KPNA3: variants seen among roughly 807,000 people sequenced by gnomAD.
KPNA3 encodes importin subunit alpha-4.
KPNA3 carries 13 observed loss-of-function variants against 73.8 expected under a neutral mutation model. The ratio of observed to expected loss-of-function variants is 0.18; its 90% CI spans 0.11 to 0.28. The LOEUF is 0.28. Among genes scored for constraint, KPNA3 ranks in the 10% least tolerant of loss-of-function variants. The probability of loss-of-function intolerance (pLI) is 1.00; values close to 1 mark genes in which losing one functional copy is unlikely to be tolerated. For missense variants in KPNA3, 360 were observed against 618.1 expected (o/e 0.58, Z 4.43); for synonymous variants, 186 against 206.9 (o/e 0.90, Z 0.87).
At chr13:49,712,354 G>A in intron 10 of KPNA3, among the ~76,000 whole-genome samples, 1 of 152,088 alleles carries the variant, frequency 6.6e-6, no homozygotes, top group East Asian at 1.9e-4. Flanking sequence ...TCATAAAAAT[G>A]CACTGGTGAA....
intron 1 of KPNA3, among the ~76,000 whole-genome samples, chr13:49,762,792 C>T (rs1954778497): frequency 6.6e-6 from 1 of 151,956 alleles, no homozygotes. Flanking sequence ...TATCTGCTGA[C>T]CTTCCCTCCA....
At chr13:49,787,531 G>A (rs1464017773) in intron 1 of KPNA3, among the ~76,000 whole-genome samples, 2 of 152,278 alleles carry the variant, frequency 1.3e-5, no homozygotes, top group East Asian at 3.9e-4. Flanking sequence ...TTTTGAGACA[G>A]AGTTTCACTC....
At chr13:49,725,359 C>G (rs1448621941) in intron 7 of KPNA3, 57 bp downstream of exon 7, 2 of 933,580 alleles carry the variant, frequency 2.1e-6, no homozygotes. Context: ...TTACAAAACT[C>G]TACTTCCTTG....
intron 1 of KPNA3, among the ~76,000 whole-genome samples, chr13:49,753,243 C>T (rs1409161951): frequency 6.6e-6 from 1 of 151,884 alleles, no homozygotes; most frequent in African/African-American, 2.4e-5. Context: ...CTGGGGAATC[C>T]ATCCAGAAAA....
Position 49,700,419 on chromosome 13 carries a change from A to G in KPNA3, c.*1381T>C, listed in dbSNP as rs1190389960. 1.3e-5 allele frequency: 2 copies of G among 152,690 alleles called. No homozygotes were observed. Among genetic ancestry groups the G allele is most frequent in the Non-Finnish European group, 2.9e-5 (2 of 68,042 alleles). The allele number at this position is 152,690 out of a possible 1,614,324, so 9.5% of individuals were successfully genotyped here. ...TGTGACAGCACAAATTATTTAGTTT[A>G]AAAATTTTTAAATCCATATTCTTTC... On this transcript the variant is annotated 3_prime_UTR_variant, in exon 17 of 17. Coordinates refer to ENST00000261667, the MANE Select transcript of KPNA3 (RefSeq NM_002267.4).
chr13:49,749,803 C>A (rs759322113), intron 1 of KPNA3, among the ~76,000 whole-genome samples: 2 of 152,090 alleles, frequency 1.3e-5, no homozygotes, highest in African/African-American at 4.8e-5. Flanking sequence ...CTTATTCACC[C>A]GAAAGAATCA....
At chr13:49,782,589 A>G (rs1954949518) in intron 1 of KPNA3, among the ~76,000 whole-genome samples, 1 of 152,188 alleles carries the variant, frequency 6.6e-6, no homozygotes, top group Non-Finnish European at 1.5e-5. Context: ...TGTAGAAAAT[A>G]CTAAATAGGC....
chr13:49,726,191 C>T (rs917727124), intron 6 of KPNA3, among the ~76,000 whole-genome samples: 16 of 152,174 alleles, frequency 1.1e-4, no homozygotes, highest in African/African-American at 3.9e-4. Context: ...CACTATCACA[C>T]GCTCTAGGCT....
intron 2 of KPNA3, among the ~76,000 whole-genome samples, chr13:49,743,746 T>C (rs368204847): frequency 4.6e-5 from 7 of 152,256 alleles, no homozygotes; most frequent in African/African-American, 1.4e-4. Flanking sequence ...CTTAGATTTA[T>C]AAGCACATTA....
chr13:49,778,321 G>A (rs1419191184), intron 1 of KPNA3, among the ~76,000 whole-genome samples: 1 of 152,226 alleles, frequency 6.6e-6, no homozygotes. Flanking sequence ...GGGGCCAACT[G>A]TTCAAACCAT....
intron 12 of KPNA3, among the ~76,000 whole-genome samples, chr13:49,707,982 TTC>T (rs1304740505): frequency 1.5e-5 from 2 of 135,688 alleles, no homozygotes; most frequent in Admixed American, 1.7e-4. Context: ...GTAAATTTAT[TTC>T]TTTTTCTTTT....
intron 6 of KPNA3, among the ~76,000 whole-genome samples, chr13:49,727,960 G>C (rs906939197): frequency 1.3e-5 from 2 of 152,160 alleles, no homozygotes; most frequent in Non-Finnish European, 2.9e-5. Flanking sequence ...AGTCGGCCGG[G>C]CATGGTGGCT....
intron 7 of KPNA3, among the ~76,000 whole-genome samples, chr13:49,722,984 C>A (rs865841369): frequency 3.3e-5 from 5 of 152,044 alleles, no homozygotes; most frequent in Middle Eastern, 3.4e-3. Context: ...AAAATAATTT[C>A]TCATAATCCT....
At chr13:49,765,427 C>A (rs1241273484) in intron 1 of KPNA3, among the ~76,000 whole-genome samples, 3 of 152,196 alleles carry the variant, frequency 2.0e-5, no homozygotes, top group Admixed American at 6.5e-5. Context: ...CACTTACCAA[C>A]AATTCACCTA....
chr13:49,723,992 T>C (rs1477584252), intron 7 of KPNA3, among the ~76,000 whole-genome samples: 2 of 152,232 alleles, frequency 1.3e-5, no homozygotes, highest in African/African-American at 4.8e-5. Flanking sequence ...ATCTGCTTTC[T>C]GTCTTTACAG....
intron 1 of KPNA3, among the ~76,000 whole-genome samples, chr13:49,784,160 G>C (rs1954962522): frequency 6.6e-6 from 1 of 152,134 alleles, no homozygotes; most frequent in South Asian, 2.1e-4. Context: ...GAGGCAGGAG[G>C]ATCGCTTGAG....
At chr13:49,765,345 T>C (rs907963825) in intron 1 of KPNA3, among the ~76,000 whole-genome samples, 3 of 152,274 alleles carry the variant, frequency 2.0e-5, no homozygotes, top group African/African-American at 7.2e-5. Flanking sequence ...GTATATATTC[T>C]AGGTTATGAT....
chr13:49,704,434 AAAATAAATAAATAAATAAATAAATAAAT>A (rs58331212), intron 15 of KPNA3, among the ~76,000 whole-genome samples: 201 of 130,956 alleles, frequency 1.5e-3, no homozygotes, highest in African/African-American at 5.4e-3. Context: ...AAATAAATAA[AAAATAAATAAATAAATAAATAAATAAAT>A]AAATAAATAA....
In KPNA3 at chr13:49,705,752, G is replaced by A; in HGVS notation, c.1241C>T (p.Pro414Leu). The change falls in exon 15 of 17, where the codon CCA becomes CTA. Residue 414 changes from proline (P) to leucine (L), a missense_variant. Physicochemically the swap from Pro to Leu is moderately conservative, Grantham distance 98. This residue lies in a region of KPNA3 where 287 missense variants were observed against 549.1 expected (regional missense o/e 0.52). Transcript: ENST00000261667. ...VEYLVQQNVI[P>L]PFCNLLSVKD... ...CACTGACAGTAAATTACAGAACGGT[G>A]GTATTACATTCTGCTGTACAAGGTA... The A allele has an allele frequency of 6.2e-7, 1 of 1,613,326 alleles. No homozygotes were observed. Among genetic ancestry groups the A allele is most frequent in the Non-Finnish European group, 8.5e-7 (1 of 1,179,472 alleles).
Sources: gnomAD v4.1 joint callset for allele counts (sites outside exome capture counted in the v4.1 genomes callset) on GRCh38, gnomAD v4.1.1 for gene constraint, gnomAD v4.1.1 regional missense constraint, MANE v1.5 for transcripts, NCBI Gene and HGNC (gene_info 2026-07-23, HGNC 2026-07-21) for gene names.